TLK2: variants seen among roughly 807,000 people sequenced by gnomAD.
TLK2 encodes serine/threonine-protein kinase tousled-like 2.
TLK2 carries 6 observed loss-of-function variants against 117.3 expected under a neutral mutation model. The ratio of observed to expected loss-of-function variants is 0.05; its 90% CI spans 0.03 to 0.10. The LOEUF (loss-of-function observed/expected upper bound fraction) is 0.10, where lower values mean the gene tolerates loss of function less well. Ranked by LOEUF, TLK2 falls within the 10% of genes least tolerant of loss-of-function variation. The probability of loss-of-function intolerance (pLI) is 1.00; values close to 1 mark genes in which losing one functional copy is unlikely to be tolerated. For synonymous variants in TLK2, 257 were observed against 316.7 expected (o/e 0.81, Z 2.00); for missense variants, 299 against 901.2 (o/e 0.33, Z 8.56).
chr17:62,495,543 G>A (rs2073562256), intron 2 of TLK2, among the ~76,000 whole-genome samples: 1 of 150,734 alleles, frequency 6.6e-6, no homozygotes, highest in Admixed American at 6.6e-5. Context: ...GCTTCCCAAA[G>A]TGATGGGATT....
At chr17:62,491,205 G>C (rs954063173) in intron 2 of TLK2, among the ~76,000 whole-genome samples, 8 of 152,126 alleles carry the variant, frequency 5.3e-5, no homozygotes, top group African/African-American at 1.7e-4. Flanking sequence ...CTTCTCATCT[G>C]CTTCCTTCTT....
chr17:62,568,892 A>C (rs1200782007), intron 11 of TLK2, among the ~76,000 whole-genome samples: 2 of 152,150 alleles, frequency 1.3e-5, no homozygotes, highest in Non-Finnish European at 2.9e-5. Context: ...TCTGATTCTC[A>C]GTCATATGAT....
intron 1 of TLK2, among the ~76,000 whole-genome samples, chr17:62,473,084 T>A (rs536179905): frequency 3.3e-5 from 5 of 152,272 alleles, no homozygotes; most frequent in African/African-American, 1.2e-4. Flanking sequence ...GCAGGTCATG[T>A]CTCCTGGTGT....
intron 7 of TLK2, among the ~76,000 whole-genome samples, chr17:62,537,204 C>T (rs914791314): frequency 2.0e-5 from 3 of 152,172 alleles, no homozygotes; most frequent in Non-Finnish European, 4.4e-5. Flanking sequence ...CTCCAATCCA[C>T]ACTCCACCAA....
chr17:62,484,248 A>C (rs1386221338), intron 2 of TLK2, among the ~76,000 whole-genome samples: 2 of 152,066 alleles, frequency 1.3e-5, no homozygotes, highest in African/African-American at 4.8e-5. Context: ...GAAGAAAAAA[A>C]TTAATTCTGT....
intron 2 of TLK2, among the ~76,000 whole-genome samples, chr17:62,503,143 T>C (rs1223632019): frequency 7.2e-6 from 1 of 138,858 alleles, no homozygotes; most frequent in Non-Finnish European, 1.5e-5. Context: ...CACGGCAAGC[T>C]CCGCCTCCCA....
Position 62,565,070 on chromosome 17 carries a change from A to G in TLK2, c.901A>G (p.Thr301Ala), listed in dbSNP as rs765905649. The change falls in exon 11 of 22, where the codon ACT (threonine) becomes GCT (alanine). Residue 301 changes from threonine to alanine, a missense_variant. Thr to Ala is a moderately conservative substitution (Grantham distance 58). Transcript: ENST00000346027. The part of the protein sequence containing the change: ...QDRLRLGHFT[T>A]VRHGASFTEQ... ...CCGCTTGAGACTGGGCCACTTTACT[A>G]CTGTCCGACACGGAGCCTCATTTAC... is the stretch of plus-strand genomic sequence containing the variant. 8 of 1,614,110 alleles carry G rather than the reference A, an allele frequency of 5.0e-6. No homozygotes were observed. Among genetic ancestry groups the G allele is most frequent in the South Asian group, 1.1e-5 (1 of 91,086 alleles).
intron 16 of TLK2, among the ~76,000 whole-genome samples, chr17:62,587,225 A>G (rs2081685213): frequency 6.6e-6 from 1 of 152,194 alleles, no homozygotes; most frequent in Non-Finnish European, 1.5e-5. Context: ...GTTGGAGTTC[A>G]TGGCTCATTT....
At chr17:62,522,177 A>G in intron 3 of TLK2, 27 bp from the exon 4 acceptor site, 1 of 1,604,084 alleles carries the variant, frequency 6.2e-7, no homozygotes. Context: ...CCAAAATGCT[A>G]ATTGTGACTT....
At chr17:62,594,364 C>T (rs1373631277) in intron 16 of TLK2, among the ~76,000 whole-genome samples, 1 of 152,090 alleles carries the variant, frequency 6.6e-6, no homozygotes, top group Non-Finnish European at 1.5e-5. Flanking sequence ...GCTGTGATCG[C>T]GCCACTGCAC....
Position 62,532,690 on chromosome 17 carries a change from T to C in TLK2, c.364-3480T>C, listed in dbSNP as rs190920564. 4.6e-5 allele frequency among the ~76,000 whole-genome samples: 7 copies of C among 152,344 alleles called. No homozygotes were observed. The East Asian group carries it at 1.2e-3, about 25-fold the overall frequency. The stretch of plus-strand genomic sequence containing the variant: ...AAATATTTCTAGACTTTTTGAGATA[T>C]ACATGTATGTTTATATAATAGGTTT... On this transcript the variant is annotated intron_variant, in intron 6 of 21. Coordinates refer to ENST00000346027, the MANE Select transcript of TLK2 (RefSeq NM_006852.6).
intron 6 of TLK2, among the ~76,000 whole-genome samples, chr17:62,535,290 A>G (rs531077617): frequency 6.6e-6 from 1 of 152,318 alleles, no homozygotes; most frequent in East Asian, 1.9e-4. Context: ...GTAATGAATT[A>G]CATTAGTAGA....
At chr17:62,569,827 G>A (rs769422601) in intron 11 of TLK2, among the ~76,000 whole-genome samples, 17 of 152,256 alleles carry the variant, frequency 1.1e-4, no homozygotes, top group Middle Eastern at 3.4e-3. Flanking sequence ...TTCCTGGGAT[G>A]CTGTAACAAA....
chr17:62,485,217 A>G (rs1264866252), intron 2 of TLK2, among the ~76,000 whole-genome samples: 2 of 152,202 alleles, frequency 1.3e-5, no homozygotes, highest in African/African-American at 2.4e-5. Flanking sequence ...CTAACTATTC[A>G]TAACATTTTT....
chr17:62,574,347 C>T (rs1462235525), intron 12 of TLK2: 2 of 1,546,130 alleles, frequency 1.3e-6, no homozygotes, highest in Non-Finnish European at 8.7e-7. Context: ...TATGCTAGGC[C>T]CTCTTCTGGG....
rs143497241 is a variant in TLK2 at position 62,593,198 on chromosome 17, A to T, written c.1461-3387A>T. Among the ~76,000 whole-genome samples the T allele has an allele frequency of 3.6e-3, 545 of 152,288 alleles. 2 individuals carry two copies. Among genetic ancestry groups the T allele is most frequent in the African/African-American group, 0.012 (513 of 41,548 alleles). ...TAAGCATAGAAAAGGTGCAGTAAAT[A>T]TACAGTATAAAAATGGTACACCCGT... On this transcript the variant is annotated intron_variant, in intron 16 of 21. Coordinates refer to ENST00000346027, the MANE Select transcript of TLK2 (RefSeq NM_006852.6).
At chr17:62,536,820 T>G (rs1300236716) in intron 7 of TLK2, among the ~76,000 whole-genome samples, 1 of 152,208 alleles carries the variant, frequency 6.6e-6, no homozygotes, top group African/African-American at 2.4e-5. Flanking sequence ...TCTCACCCCT[T>G]CAGAGTGTTG....
intron 2 of TLK2, among the ~76,000 whole-genome samples, chr17:62,514,921 T>C (rs531167874): frequency 1.1e-4 from 16 of 152,322 alleles, no homozygotes; most frequent in African/African-American, 3.6e-4. Flanking sequence ...CATTTTTAAG[T>C]GTACAGTTCA....
upstream of TLK2, among the ~76,000 whole-genome samples, chr17:62,474,173 G>C (rs900749100): frequency 3.9e-5 from 6 of 151,966 alleles, no homozygotes; most frequent in African/African-American, 1.5e-4. Context: ...CTGCCTCCTG[G>C]GTTCATGCCA....
Sources: allele counts gnomAD v4.1 joint callset (sites outside exome capture counted in the v4.1 genomes callset), GRCh38; gene constraint gnomAD v4.1.1; transcripts MANE v1.5; gene names NCBI Gene and HGNC (gene_info 2026-07-23, HGNC 2026-07-21).